The following ITFG1 variants were observed in gnomAD, a reference collection of about 807,000 sequenced individuals.
The protein encoded by ITFG1 is integrin alpha FG-GAP repeat containing 1, also known as T-cell immunomodulatory protein.
A neutral mutation model predicts 81.8 loss-of-function variants in ITFG1; 34 were observed. That is an observed-to-expected ratio of 0.42 (90% CI 0.32 to 0.55). The LOEUF is 0.55. ITFG1 is among the 20% of genes least tolerant of loss of function. The pLI is 0.17. For synonymous variants in ITFG1, 285 were observed against 270.6 expected (o/e 1.05, Z -0.52); for missense variants, 672 against 755.4 (o/e 0.89, Z 1.29).
Position 47,284,335 on chromosome 16 carries a change from C to T in ITFG1, c.1071-23640G>A, listed in dbSNP as rs1373603456. On this transcript the variant is annotated intron_variant, in intron 10 of 17. Coordinates refer to ENST00000320640, the MANE Select transcript of ITFG1 (RefSeq NM_030790.5). ...AAAAATTCTAGGAAAAAAAGAGCAC[C>T]AATAAGATATAACATATTTCTATAG... 2.6e-5 allele frequency among the ~76,000 whole-genome samples: 4 copies of T among 152,118 alleles called. No homozygotes were observed. In the East Asian group the frequency reaches 5.8e-4, roughly 22 times the overall value.
intron 12 of ITFG1, among the ~76,000 whole-genome samples, chr16:47,251,037 C>T (rs999936956): frequency 3.3e-5 from 5 of 152,184 alleles, no homozygotes; most frequent in African/African-American, 1.2e-4. Context: ...CCCTATATAA[C>T]TGCACAGTGT....
chr16:47,339,419 T>C (rs1255916713), intron 8 of ITFG1, among the ~76,000 whole-genome samples: 1 of 152,160 alleles, frequency 6.6e-6, no homozygotes, highest in Non-Finnish European at 1.5e-5. Context: ...ACAAATACTT[T>C]AAAACAACTA....
At chr16:47,325,740 C>T (rs1967528239) in intron 8 of ITFG1, among the ~76,000 whole-genome samples, 1 of 152,164 alleles carries the variant, frequency 6.6e-6, no homozygotes, top group Admixed American at 6.5e-5. Flanking sequence ...TGGATAAATT[C>T]CTCGACACAT....
chr16:47,177,509 A>C (rs958877905), intron 14 of ITFG1, among the ~76,000 whole-genome samples: 2 of 152,222 alleles, frequency 1.3e-5, no homozygotes, highest in Non-Finnish European at 2.9e-5. Context: ...AAATATGTAC[A>C]AAAAAGGTGT....
intron 6 of ITFG1, chr16:47,396,308 G>A: frequency 5.2e-6 from 1 of 192,102 alleles, no homozygotes; most frequent in Non-Finnish European, 9.6e-6. Context: ...AAGGGAGGGA[G>A]GAAGTAGAGG....
chr16:47,259,139 A>C (rs1332671758), intron 11 of ITFG1, among the ~76,000 whole-genome samples: 1 of 152,154 alleles, frequency 6.6e-6, no homozygotes, highest in Non-Finnish European at 1.5e-5. Context: ...AGCTTTGCTA[A>C]TTTTGTCGAA....
chr16:47,328,861 T>TA (rs1967598917), intron 8 of ITFG1, among the ~76,000 whole-genome samples: 1 of 152,148 alleles, frequency 6.6e-6, no homozygotes, highest in South Asian at 2.1e-4. Flanking sequence ...ATCTGAATTC[T>TA]AAAAATAAGC....
At chr16:47,213,090 T>C (rs901924293) in intron 14 of ITFG1, among the ~76,000 whole-genome samples, 7 of 152,196 alleles carry the variant, frequency 4.6e-5, no homozygotes, top group African/African-American at 1.7e-4. Context: ...GTTTTTGATA[T>C]GTTGTATTTT....
chr16:47,268,921 T>A (rs181852817), intron 10 of ITFG1, among the ~76,000 whole-genome samples: 67 of 152,320 alleles, frequency 4.4e-4, no homozygotes, highest in African/African-American at 1.5e-3. Context: ...TACAATCATC[T>A]AATAAAAGGC....
At chr16:47,243,972 A>G (rs1284047607) in intron 12 of ITFG1, among the ~76,000 whole-genome samples, 2 of 152,184 alleles carry the variant, frequency 1.3e-5, no homozygotes, top group East Asian at 3.9e-4. Context: ...CGGAAGTTGC[A>G]GTGAGCTGAG....
chr16:47,180,724 A>G (rs533714626), intron 14 of ITFG1, among the ~76,000 whole-genome samples: 3 of 151,814 alleles, frequency 2.0e-5, no homozygotes, highest in Admixed American at 1.3e-4. Flanking sequence ...GCATGATCTC[A>G]GCTCGCTACA....
At chr16:47,275,244 T>C (rs1966385290) in intron 10 of ITFG1, among the ~76,000 whole-genome samples, 1 of 152,144 alleles carries the variant, frequency 6.6e-6, no homozygotes, top group Non-Finnish European at 1.5e-5. Context: ...TGGAATAATA[T>C]ATTTTCTTTG....
intron 8 of ITFG1, among the ~76,000 whole-genome samples, chr16:47,321,625 GCTGCAGAGTA>G (rs1967449678): frequency 6.6e-6 from 1 of 152,128 alleles, no homozygotes; most frequent in Non-Finnish European, 1.5e-5. Flanking sequence ...GGAGTTGGAG[GCTGCAGAGTA>G]CTATGACTGT....
chr16:47,252,344 G>C (rs1299075404), intron 12 of ITFG1, among the ~76,000 whole-genome samples: 1 of 152,146 alleles, frequency 6.6e-6, no homozygotes, highest in Non-Finnish European at 1.5e-5. Flanking sequence ...TTCCCATTAA[G>C]TATCTGCTTT....
intron 14 of ITFG1, among the ~76,000 whole-genome samples, chr16:47,187,114 A>T (rs1376731036): frequency 2.0e-5 from 3 of 152,164 alleles, no homozygotes; most frequent in African/African-American, 7.2e-5. Context: ...ATAAAAGAGG[A>T]TACAAACAAA....
At chr16:47,344,077 G>A in intron 8 of ITFG1, among the ~76,000 whole-genome samples, 1 of 152,242 alleles carries the variant, frequency 6.6e-6, no homozygotes, top group East Asian at 1.9e-4. Flanking sequence ...TCTAGAATAG[G>A]CAAATTCATT....
intron 8 of ITFG1, among the ~76,000 whole-genome samples, chr16:47,354,141 T>C (rs13335171): frequency 0.12 from 18,059 of 152,046 alleles, 2,355 homozygotes; most frequent in African/African-American, 0.33. Context: ...CATAATACCT[T>C]ACTTTAAAAC....
intron 6 of ITFG1, among the ~76,000 whole-genome samples, chr16:47,401,930 G>C (rs906898843): frequency 7.2e-5 from 11 of 151,958 alleles, no homozygotes; most frequent in Middle Eastern, 3.4e-3. Context: ...CTCTAAAGCC[G>C]ATCCTCCTTG....
chr16:47,209,679 C>G (rs1335933367), intron 14 of ITFG1, among the ~76,000 whole-genome samples: 1 of 152,168 alleles, frequency 6.6e-6, no homozygotes, highest in African/African-American at 2.4e-5. Flanking sequence ...CTCATACTGT[C>G]TTTTCATAGC....
Sources: gnomAD v4.1 joint callset for allele counts (sites outside exome capture counted in the v4.1 genomes callset) on GRCh38, gnomAD v4.1.1 for gene constraint, MANE v1.5 for transcripts, NCBI Gene and HGNC (gene_info 2026-07-23, HGNC 2026-07-21) for gene names.